Variants in LRP2 observed in about 807,000 individuals in gnomAD.
LRP2 encodes low-density lipoprotein receptor-related protein 2.
LRP2 carries 172 observed loss-of-function variants against 531.0 expected under a neutral mutation model. The observed-to-expected ratio is 0.32, with a 90% CI of 0.29 to 0.37. LRP2 has a LOEUF of 0.37. LRP2 is among the 10% of genes least tolerant of loss of function. The pLI, the probability that LRP2 is intolerant of heterozygous loss-of-function variation, is 1.00. For missense variants in LRP2, 5,167 were observed against 5,868.3 expected, an observed-to-expected ratio of 0.88 and a Z score of 3.90; for synonymous variants, 1,992 against 2,027.6, an observed-to-expected ratio of 0.98 and a Z score of 0.47.
At chr2:169,212,642 C>T (rs1380866399) in intron 36 of LRP2, among the ~76,000 whole-genome samples, 1 of 151,834 alleles carries the variant, frequency 6.6e-6, no homozygotes, top group Non-Finnish European at 1.5e-5. Context: ...AAACTGGAGA[C>T]TATTATTCAA....
In LRP2 at chr2:169,334,444, T is replaced by C. The variant is rs113986439; in HGVS notation, c.80-13560A>G. On this transcript the variant is annotated intron_variant, in intron 1 of 78. Coordinates refer to ENST00000649046, the MANE Select transcript of LRP2 (RefSeq NM_004525.3). ...TTTCAGTGGCCATCTCAATTCTGGG[T>C]GTTGGGTACCTATAGTTACAGTCTT... Among the ~76,000 whole-genome samples the C allele has an allele frequency of 2.6e-3, 398 of 152,304 alleles. 2 individuals are homozygous for C. The highest frequency in any genetic ancestry group is 9.0e-3 in the African/African-American group (374 of 41,566).
intron 14 of LRP2, among the ~76,000 whole-genome samples, chr2:169,273,792 G>T (rs1208715947): frequency 1.3e-5 from 2 of 152,190 alleles, no homozygotes; most frequent in South Asian, 2.1e-4. Context: ...TTGATTTGGG[G>T]AAACAATAGG....
chr2:169,297,765 G>C (rs967830276), intron 4 of LRP2, among the ~76,000 whole-genome samples: 2 of 152,104 alleles, frequency 1.3e-5, no homozygotes, highest in African/African-American at 4.8e-5. Context: ...GTAGTTTGAA[G>C]ATCTTGTAGA....
intron 1 of LRP2, among the ~76,000 whole-genome samples, chr2:169,361,919 G>A (rs867383419): frequency 1.3e-5 from 2 of 152,228 alleles, no homozygotes; most frequent in South Asian, 4.1e-4. Flanking sequence ...GTGGAAAGCT[G>A]CGCTCTGAGC....
rs1469983969 is a variant in LRP2 at position 169,247,507 on chromosome 2, A to C, written c.2779T>G (p.Phe927Val). 2 of 1,614,068 alleles carry C rather than the reference A, an allele frequency of 1.2e-6. No individual in the cohort carries two copies. The highest frequency in any genetic ancestry group is 2.2e-5 in the East Asian group (1 of 44,888). Residue 927 changes from phenylalanine (F) to valine (V), a missense_variant, in exon 20 of 79, where the codon TTT becomes GTT. By Grantham distance (50) the Phe-to-Val change is conservative (BLOSUM62 -1). Around this residue, in one of 6 missense-constraint regions of LRP2, gnomAD observed 2,811 missense variants for 3,058.0 expected, o/e 0.92. Coordinates refer to ENST00000649046, the MANE Select transcript of LRP2 (RefSeq NM_004525.3). ...GCACCCAGTCTCCAGTCAGTAAAAA[A>C]TAAATGCTCTGAAAAGAAACATGGG... ...FGLAIFGEHL[F>V]FTDWRLGAII...
chr2:169,245,558 T>C (rs1689975439), intron 21 of LRP2, among the ~76,000 whole-genome samples: 1 of 152,208 alleles, frequency 6.6e-6, no homozygotes, highest in Non-Finnish European at 1.5e-5. Flanking sequence ...TAGTATTAAC[T>C]TCACCTTGAT....
At chr2:169,199,982 G>A (rs1346455840) in intron 44 of LRP2, among the ~76,000 whole-genome samples, 1 of 152,194 alleles carries the variant, frequency 6.6e-6, no homozygotes, top group East Asian at 1.9e-4. Context: ...CGGGTGCAGT[G>A]GCTCACGCCT....
chr2:169,249,832 C>T (rs1440551333), intron 19 of LRP2, among the ~76,000 whole-genome samples: 1 of 45,580 alleles, frequency 2.2e-5, no homozygotes, highest in East Asian at 6.4e-4. Context: ...TCGAGAACTA[C>T]GTGAAGAATG....
At chr2:169,233,136 C>T (rs1305663425) in intron 30 of LRP2, among the ~76,000 whole-genome samples, 2 of 152,126 alleles carry the variant, frequency 1.3e-5, no homozygotes, top group Admixed American at 6.5e-5. Flanking sequence ...GCTGAGGAAA[C>T]GGAGACTCAT....
At chr2:169,296,310 T>C (rs1464936054) in intron 4 of LRP2, among the ~76,000 whole-genome samples, 1 of 152,128 alleles carries the variant, frequency 6.6e-6, no homozygotes, top group African/African-American at 2.4e-5. Flanking sequence ...AAATTTAAAA[T>C]TTTTTCTGAA....
At chr2:169,325,272 G>C (rs1431753700) in intron 1 of LRP2, among the ~76,000 whole-genome samples, 1 of 152,142 alleles carries the variant, frequency 6.6e-6, no homozygotes, top group Admixed American at 6.5e-5. Flanking sequence ...CTTAACACAT[G>C]CTGGTCCTTC....
intron 68 of LRP2, 127 bp from the exon 69 acceptor site, chr2:169,147,086 C>A: frequency 2.7e-6 from 2 of 747,622 alleles, no homozygotes; most frequent in South Asian, 3.0e-5. Context: ...TCAGTGACAC[C>A]AGTTTTATAT....
rs57451386 is a variant in LRP2, at chr2:169,170,921, G to GTTTTTT, written c.11264-260_11264-255dup. On this transcript the variant is annotated intron_variant, in intron 58 of 78. Transcript: ENST00000649046. ...TCTTTCTCTCTTGCTCTCTCTCTCT[G>GTTTTTT]TTTTTTTTTTTTTTTTTTTTTTTGA... Among the ~76,000 whole-genome samples the GTTTTTT allele has an allele frequency of 6.7e-4, 62 of 91,868 alleles. 4 individuals carry two copies. Among genetic ancestry groups the GTTTTTT allele is most frequent in the African/African-American group, 1.4e-3 (33 of 23,178 alleles). The allele number at this position is 91,868 out of a possible 152,430, so 60.3% of individuals were successfully genotyped here.
At position 169,154,499 on chromosome 2, in the gene LRP2, C is replaced by T; in HGVS notation, c.12256G>A (p.Ala4086Thr). 1 of 1,612,944 alleles carries T rather than the reference C, an allele frequency of 6.2e-7. No homozygotes were observed. The highest frequency in any genetic ancestry group is 8.5e-7 in the Non-Finnish European group (1 of 1,179,074). ...TTGGGATCCCAATCATAATCAACAG[C>T]TTGGATATATTCCTCATCTTGAAGA... Reference protein sequence around the residue: ...EYLQDEEYIQAVDYDWDPKDI... With the variant: ...EYLQDEEYIQTVDYDWDPKDI... The change falls in exon 66 of 79, where the codon GCT becomes ACT. Residue 4086 changes from alanine to threonine, a missense_variant. Physicochemically the swap from Ala to Thr is moderately conservative, Grantham distance 58. Around this residue, in one of 6 missense-constraint regions of LRP2, gnomAD observed 564 missense variants for 747.7 expected, o/e 0.75. Coordinates refer to ENST00000649046, the MANE Select transcript of LRP2 (RefSeq NM_004525.3).
chr2:169,281,731 T>A (rs1006392630), intron 10 of LRP2, among the ~76,000 whole-genome samples: 3 of 151,038 alleles, frequency 2.0e-5, no homozygotes, highest in Admixed American at 6.6e-5. Flanking sequence ...AATAAATAAA[T>A]AAAAATAAAT....
intron 15 of LRP2, chr2:169,271,833 G>T: frequency 4.4e-6 from 1 of 228,218 alleles, no homozygotes; most frequent in South Asian, 1.6e-4. Flanking sequence ...AGATATAAAG[G>T]AGTGAAAGCA....
At position 169,231,695 on chromosome 2, in the gene LRP2, C is replaced by T; in HGVS notation, c.5227+19G>A. 1.2e-6 allele frequency: 2 copies of T among 1,613,606 alleles called. No homozygotes were observed. Among genetic ancestry groups the T allele is most frequent in the Non-Finnish European group, 8.5e-7 (1 of 1,179,780 alleles). On this transcript the variant is annotated intron_variant, in intron 31 of 78. Coordinates refer to ENST00000649046, the MANE Select transcript of LRP2 (RefSeq NM_004525.3). ...TGACCAGCTCCATCTTCAGAGCTCA[C>T]ATAAGGAGCATACTATACCTCTCAA...
chr2:169,351,285 A>G (rs1685839811), intron 1 of LRP2, among the ~76,000 whole-genome samples: 1 of 152,216 alleles, frequency 6.6e-6, no homozygotes, highest in Non-Finnish European at 1.5e-5. Flanking sequence ...TTTGAGAAAA[A>G]ATTGAAAGGT....
intron 52 of LRP2, 61 bp from the exon 53 acceptor site, chr2:169,178,087 C>A: frequency 3.3e-6 from 4 of 1,224,252 alleles, no homozygotes; most frequent in Non-Finnish European, 4.7e-6. Flanking sequence ...TAATGTCTTG[C>A]AGGATAAAAG....
Sources: allele counts gnomAD v4.1 joint callset (sites outside exome capture counted in the v4.1 genomes callset), GRCh38; gene constraint gnomAD v4.1.1; regional missense constraint gnomAD v4.1.1; transcripts MANE v1.5; gene names NCBI Gene and HGNC (gene_info 2026-07-23, HGNC 2026-07-21).